CAMKK2: variants seen among roughly 807,000 people sequenced by gnomAD.
CAMKK2 encodes the protein calcium/calmodulin-dependent protein kinase kinase 2.
Under a neutral mutation model 67.2 loss-of-function variants are expected in CAMKK2, and 30 were observed. That is an observed-to-expected ratio of 0.45 (90% confidence interval 0.33 to 0.61). The LOEUF (loss-of-function observed/expected upper bound fraction) is 0.61. Ranked by LOEUF, CAMKK2 falls within the 20% of genes least tolerant of loss-of-function variation. The probability of loss-of-function intolerance (pLI) is 0.02; values close to 1 mark genes in which losing one functional copy is unlikely to be tolerated. For missense variants in CAMKK2, 643 were observed against 802.0 expected (o/e 0.80, Z 2.39); for synonymous variants, 322 against 326.2 (o/e 0.99, Z 0.14).
intron 5 of CAMKK2, among the ~76,000 whole-genome samples, chr12:121,264,776 AAATAAT>A (rs57906202): frequency 0.37 from 51,813 of 139,690 alleles, 10,355 homozygotes; most frequent in African/African-American, 0.52. Context: ...TCAGTCTCAA[AAATAAT>A]AATAATAATA....
chr12:121,277,489 A>G (rs187745932), intron 1 of CAMKK2, among the ~76,000 whole-genome samples: 1 of 152,332 alleles, frequency 6.6e-6, no homozygotes, highest in Admixed American at 6.5e-5. Context: ...GTGTCCATCA[A>G]CAGACGAATG....
chr12:121,244,385 C>A (rs1593264313), intron 16 of CAMKK2, among the ~76,000 whole-genome samples, 188 bp downstream of exon 16: 1 of 152,248 alleles, frequency 6.6e-6, no homozygotes, highest in Non-Finnish European at 1.5e-5. Flanking sequence ...GCATGACCCA[C>A]CATTGGGTCC....
At chr12:121,275,596 C>CAT (rs1896653483) in intron 1 of CAMKK2, among the ~76,000 whole-genome samples, 1 of 150,948 alleles carries the variant, frequency 6.6e-6, no homozygotes, top group South Asian at 2.1e-4. Context: ...CAAAAGGTCA[C>CAT]ATATATATGA....
rs78084697 is a variant in CAMKK2, at chr12:121,272,575, C to T, written c.471+1481G>A. 9.8e-3 allele frequency among the ~76,000 whole-genome samples: 1,483 copies of T among 151,964 alleles called. 23 individuals carry two copies. The highest frequency in any genetic ancestry group is 0.034 in the African/African-American group (1,404 of 41,442). ...TCCCTATAGCCCCTTCAAAATCAGC[C>T]CCTTTGGCAGTGCACAGTGGCTCAT... is the stretch of plus-strand genomic sequence containing the variant. On this transcript the variant is annotated intron_variant, in intron 2 of 16. Coordinates refer to ENST00000404169, the MANE Select transcript of CAMKK2 (RefSeq NM_001270485.2).
Position 121,245,179 on chromosome 12 carries a change from C to T in CAMKK2, c.1514G>A (p.Arg505Gln), listed in dbSNP as rs778228293. 5.6e-6 allele frequency: 9 copies of T among 1,608,296 alleles called. No homozygotes were observed. Among genetic ancestry groups the T allele is most frequent in the South Asian group, 1.1e-5 (1 of 89,808 alleles). The change falls in exon 15 of 17, where the codon CGG (arginine) becomes CAG (glutamine). Residue 505 changes from arginine (R) to glutamine (Q), a missense_variant. By Grantham distance (43) the Arg-to-Gln change is conservative (BLOSUM62 1). This residue lies in a region of CAMKK2 where 140 missense variants were observed against 124.2 expected (regional missense o/e 1.13). Transcript: ENST00000404169. This position sits in a 1 kb window ranked among gnomAD's most constrained non-coding sequence, Gnocchi z 5.8. The part of the protein sequence containing the change: ...SFGNPFEGSR[R>Q]EERSLSAPGN... ...AGGCGCTGACAGTGAGCGTTCCTCC[C>T]GCCGGCTGCCCTCGAATGGGTTCCC... is the stretch of plus-strand genomic sequence containing the variant.
chr12:121,270,731 A>G (rs1895590668), intron 3 of CAMKK2, among the ~76,000 whole-genome samples, 167 bp downstream of exon 3: 1 of 152,168 alleles, frequency 6.6e-6, no homozygotes, highest in African/African-American at 2.4e-5. Flanking sequence ...TTAAGATACA[A>G]GAAAACAAAA....
chr12:121,243,158 G>A (rs570484607), intron 16 of CAMKK2, among the ~76,000 whole-genome samples: 9 of 151,496 alleles, frequency 5.9e-5, no homozygotes, highest in East Asian at 5.8e-4. Flanking sequence ...CTCACCTCCC[G>A]AGTAGCTGGG....
At chr12:121,243,990 G>A (rs1436793880) in intron 16 of CAMKK2, 1 of 1,525,040 alleles carries the variant, frequency 6.6e-7, no homozygotes, top group African/African-American at 1.4e-5. Flanking sequence ...AGCCTCATCT[G>A]TCCTGGGAGG....
At position 121,263,936 on chromosome 12, in the gene CAMKK2, C is replaced by T. The variant is rs773178395; in HGVS notation, c.629G>A (p.Arg210His). The T allele has an allele frequency of 1.9e-6, 3 of 1,597,072 alleles. No homozygotes were observed. The highest frequency in any genetic ancestry group is 1.7e-6 in the Non-Finnish European group (2 of 1,168,782). ...TGGCCGGGTGCCTCGGGGTGGAGGG[C>T]GACCTGAAGGAAACAAAAACAGACC... is the stretch of plus-strand genomic sequence containing the variant. ...KLIRQAGFPR[R>H]PPPRGTRPAP... The change falls in exon 6 of 17, where the codon CGC (arginine) becomes CAC (histidine). Residue 210 changes from arginine (R) to histidine (H), a missense_variant. Coordinates refer to ENST00000404169, the MANE Select transcript of CAMKK2 (RefSeq NM_001270485.2).
intron 2 of CAMKK2, among the ~76,000 whole-genome samples, chr12:121,271,286 A>C (rs73224232): frequency 1.3e-5 from 2 of 151,638 alleles, no homozygotes; most frequent in Non-Finnish European, 2.9e-5. Flanking sequence ...AAAAAAAAAA[A>C]AAAAAGTTTG....
intron 5 of CAMKK2, among the ~76,000 whole-genome samples, chr12:121,267,462 G>A (rs1266366072): frequency 6.7e-6 from 1 of 150,226 alleles, no homozygotes; most frequent in Non-Finnish European, 1.5e-5. Context: ...TGCTGACAAG[G>A]TTGTGCAACC....
intron 1 of CAMKK2, among the ~76,000 whole-genome samples, chr12:121,280,837 AAGAT>A (rs1026098890): frequency 1.3e-5 from 2 of 152,206 alleles, no homozygotes; most frequent in Non-Finnish European, 2.9e-5. Flanking sequence ...GTCTCCTGAT[AAGAT>A]GTTATCAATG....
intron 4 of CAMKK2, among the ~76,000 whole-genome samples, chr12:121,269,187 G>A (rs1895237596): frequency 6.6e-6 from 1 of 152,116 alleles, no homozygotes; most frequent in Non-Finnish European, 1.5e-5. Context: ...GATAGATTCA[G>A]GTTCAAAACT....
chr12:121,247,192 T>G (rs1208244049), intron 14 of CAMKK2, among the ~76,000 whole-genome samples: 3 of 152,054 alleles, frequency 2.0e-5, no homozygotes, highest in Non-Finnish European at 2.9e-5. Flanking sequence ...TTCTTCCCAG[T>G]GGGTCCAAGT....
At chr12:121,277,831 G>A (rs4980990) in intron 1 of CAMKK2, among the ~76,000 whole-genome samples, 1,925 of 152,258 alleles carry the variant, frequency 0.013, 50 homozygotes, top group Admixed American at 0.068. Flanking sequence ...GCCAGGCGTG[G>A]TGTTGGGCAC....
Position 121,249,844 on chromosome 12 carries a change from C to G in CAMKK2, c.1266G>C (p.Leu422=). The G allele has an allele frequency of 6.2e-7, 1 of 1,614,170 alleles. No individual in the cohort carries two copies. Among genetic ancestry groups the G allele is most frequent in the Non-Finnish European group, 8.5e-7 (1 of 1,180,030 alleles). Reference sequence around the variant, plus strand: ...GGTTCTTGTCCAGCATACGGGTGATCAGGTCCTTCAAGTCCTCAGCTATGT... The same window carrying G: ...GGTTCTTGTCCAGCATACGGGTGATGAGGTCCTTCAAGTCCTCAGCTATGT... ...QPDIAEDLKD[L]ITRMLDKNPE... Residue 422 remains leucine, a synonymous_variant, in exon 13 of 17, where the codon CTG becomes CTC. Coordinates refer to ENST00000404169, the MANE Select transcript of CAMKK2 (RefSeq NM_001270485.2).
chr12:121,248,554 C>G, intron 14 of CAMKK2, 52 bp downstream of exon 14: 1 of 1,611,132 alleles, frequency 6.2e-7, no homozygotes. Flanking sequence ...TGGCCAGGCC[C>G]CACCTCAGGC....
intron 7 of CAMKK2, 34 bp downstream of exon 7, chr12:121,260,285 G>T: frequency 1.3e-6 from 2 of 1,586,896 alleles, no homozygotes; most frequent in Non-Finnish European, 8.6e-7. Flanking sequence ...TGTGGTGCCT[G>T]GGTGAGGGTG....
At chr12:121,286,857 G>T (rs1593498419) in intron 1 of CAMKK2, among the ~76,000 whole-genome samples, 2 of 152,148 alleles carry the variant, frequency 1.3e-5, no homozygotes, top group East Asian at 3.9e-4. Flanking sequence ...TGCCAAGAAA[G>T]AACTTTGGCA....
Sources: gnomAD v4.1 joint callset for allele counts (sites outside exome capture counted in the v4.1 genomes callset) on GRCh38, gnomAD v4.1.1 for gene constraint, gnomAD v4.1.1 regional missense constraint, Gnocchi (gnomAD v3.1) non-coding constraint, MANE v1.5 for transcripts, NCBI Gene and HGNC (gene_info 2026-07-23, HGNC 2026-07-21) for gene names.